KRT82: variants seen among roughly 807,000 people sequenced by gnomAD.
The protein encoded by KRT82 is keratin 82, also known as keratin, type II cuticular Hb2.
Under a neutral mutation model 48.0 loss-of-function variants are expected in KRT82, and 44 were observed. The ratio of observed to expected loss-of-function variants is 0.92; its 90% CI spans 0.72 to 1.18. The LOEUF (loss-of-function observed/expected upper bound fraction) is 1.18, where lower values mean the gene tolerates loss of function less well. KRT82 is among the 50% of genes most tolerant of loss of function. KRT82 has a pLI of 0.00. For synonymous variants in KRT82, 297 were observed against 278.3 expected (o/e 1.07, Z -0.67); for missense variants, 701 against 671.4 (o/e 1.04, Z -0.49).
At chr12:52,404,938 G>A (rs182792418) in intron 1 of KRT82, among the ~76,000 whole-genome samples, 66 of 152,312 alleles carry the variant, frequency 4.3e-4, no homozygotes, top group African/African-American at 1.4e-3. Flanking sequence ...TCCGGGTGTA[G>A]GAGTAGAGTC....
chr12:52,400,072 C>T lies in KRT82; in HGVS notation c.855G>A (p.Val285=), dbSNP rs755822650. The T allele has an allele frequency of 9.9e-6, 16 of 1,614,088 alleles. No individual in the cohort carries two copies. The East Asian group carries it at 3.3e-4, about 34-fold the overall frequency. The change falls in exon 5 of 9, where the codon GTG becomes GTA. Residue 285 remains valine (V), a synonymous_variant. Transcript: ENST00000257974. ...VKMDNSRELD[V]DGIIAEIKAQ... is the part of the protein sequence containing the mutation. Reference sequence around the variant, plus strand: ...CCTTGATCTCAGCGATGATGCCGTCCACGTCCAGCTCCCGGCTGTTGTCCA... The same window carrying T: ...CCTTGATCTCAGCGATGATGCCGTCTACGTCCAGCTCCCGGCTGTTGTCCA...
Position 52,397,006 on chromosome 12 carries a change from A to G in KRT82, c.945T>C (p.Tyr315=). 2.5e-6 allele frequency: 4 copies of G among 1,613,714 alleles called. No homozygotes were observed. Among genetic ancestry groups the G allele is most frequent in the Non-Finnish European group, 2.5e-6 (3 of 1,179,990 alleles). The stretch of plus-strand genomic sequence containing the variant: ...TCCCAGCTGTGACTCTCAGCTCCTC[A>G]TACTGCCAGGACAGAGAGGTCAGAG... The part of the protein sequence containing the change: ...AEAEAWYQCR[Y]EELRVTAGNH... The change falls in exon 6 of 9, where the codon TAT becomes TAC. Residue 315 remains tyrosine (Y), a splice_region_variant and synonymous_variant. Transcript: ENST00000257974.
Position 52,394,743 on chromosome 12 carries a change from C to A in KRT82, c.*232G>T, listed in dbSNP as rs1165071034. ...CATGCTCTTTCTCTGCCGTCTGTCC[C>A]CACCATCTGGGCCTAGCTGAGGGTC... On this transcript the variant is annotated 3_prime_UTR_variant, in exon 9 of 9. Coordinates refer to ENST00000257974, the MANE Select transcript of KRT82 (RefSeq NM_033033.4). 4 of 588,878 alleles carry A rather than the reference C, an allele frequency of 6.8e-6. No individual in the cohort carries two copies. Among genetic ancestry groups the A allele is most frequent in the Non-Finnish European group, 1.2e-5 (4 of 329,592 alleles). The allele number at this position is 588,878 out of a possible 1,614,324, so 36.5% of individuals were successfully genotyped here.
chr12:52,406,028 C>G lies in KRT82; in HGVS notation c.250G>C (p.Ala84Pro). 6.2e-7 allele frequency: 1 copy of G among 1,614,204 alleles called. No homozygotes were observed. Among genetic ancestry groups the G allele is most frequent in the Non-Finnish European group, 8.5e-7 (1 of 1,180,032 alleles). ...TLPGFGYRLG[A>P]TCGPSACITP... The stretch of plus-strand genomic sequence containing the variant: ...ATGCAGGCAGAAGGCCCACAGGTGG[C>G]TCCCAGTCGGTACCCGAAGCCAGGC... The change falls in exon 1 of 9, where the codon GCC (alanine) becomes CCC (proline). Residue 84 changes from alanine (A) to proline (P), a missense_variant. Physicochemically the swap from Ala to Pro is conservative, Grantham distance 27. Coordinates refer to ENST00000257974, the MANE Select transcript of KRT82 (RefSeq NM_033033.4).
At chr12:52,400,253 T>C in intron 4 of KRT82, 104 bp from the exon 5 acceptor site, 1 of 1,176,454 alleles carries the variant, frequency 8.5e-7, no homozygotes, top group Non-Finnish European at 1.2e-6. Context: ...TGCATAGAAC[T>C]CTGCTATGGC....
Position 52,401,358 on chromosome 12 carries a change from A to C in KRT82, c.621-9T>G. ...AGAGCTCCTCTTCGTATCTGATGGA[A>C]AAGGCAGGAAAAAATGCTTTAGTCG... On this transcript the variant is annotated splice_polypyrimidine_tract_variant and intron_variant, in intron 2 of 8. Coordinates refer to ENST00000257974, the MANE Select transcript of KRT82 (RefSeq NM_033033.4). 1 of 1,613,980 alleles carries C rather than the reference A, an allele frequency of 6.2e-7. No homozygotes were observed. The highest frequency in any genetic ancestry group is 8.5e-7 in the Non-Finnish European group (1 of 1,179,864).
rs1438826539 is a variant in KRT82 at position 52,400,019 on chromosome 12, C to T, written c.908G>A (p.Ser303Asn). The change falls in exon 5 of 9, where the codon AGC (serine) becomes AAC (asparagine). Residue 303 changes from serine to asparagine, a missense_variant. Coordinates refer to ENST00000257974, the MANE Select transcript of KRT82 (RefSeq NM_033033.4). ...KAQYDDIASR[S>N]KAEAEAWYQC... ...GTACCAGGCCTCTGCTTCGGCTTTG[C>T]TGCGGCTGGCGATGTCGTCATACTG... is the stretch of plus-strand genomic sequence containing the variant. The T allele has an allele frequency of 1.2e-6, 2 of 1,614,042 alleles. No homozygotes were observed. The highest frequency in any genetic ancestry group is 1.7e-6 in the Non-Finnish European group (2 of 1,180,000).
Position 52,395,039 on chromosome 12 carries a change from C to T in KRT82, c.1478G>A (p.Gly493Glu). The change falls in exon 9 of 9, where the codon GGG becomes GAG. Residue 493 changes from glycine (G) to glutamate (E), a missense_variant. Coordinates refer to ENST00000257974, the MANE Select transcript of KRT82 (RefSeq NM_033033.4). ...PCEPQGLLSC[G>E]SGRKSSMTLG... is the part of the protein sequence containing the mutation. Reference sequence around the variant, plus strand: ...CGTCATGCTGGATTTCCGCCCGCTCCCACAGCTCAGTAGCCCCTGGGGCTC... The same window carrying T: ...CGTCATGCTGGATTTCCGCCCGCTCTCACAGCTCAGTAGCCCCTGGGGCTC... 6.2e-7 allele frequency: 1 copy of T among 1,614,036 alleles called. No individual in the cohort carries two copies. The highest frequency in any genetic ancestry group is 1.7e-4 in the Middle Eastern group (1 of 6,060).
chr12:52,404,530 A>G (rs1242241481), intron 1 of KRT82, among the ~76,000 whole-genome samples: 2 of 152,150 alleles, frequency 1.3e-5, no homozygotes, highest in Admixed American at 6.5e-5. Context: ...TGAGATTAGG[A>G]GTTGAGTAAG....
At position 52,401,283 on chromosome 12, in the gene KRT82, C is replaced by T. The variant is rs753584847; in HGVS notation, c.681+6G>A. 19 of 1,613,700 alleles carry T rather than the reference C, an allele frequency of 1.2e-5. No homozygotes were observed. Among genetic ancestry groups the T allele is most frequent in the Admixed American group, 1.7e-5 (1 of 59,990 alleles). On this transcript the variant is annotated splice_donor_region_variant and intron_variant, in intron 3 of 8. Coordinates refer to ENST00000257974, the MANE Select transcript of KRT82 (RefSeq NM_033033.4). ...GGGGCTCTGCCTCTCTGAGCTTCCT[C>T]CTTACCTTCTTCAAGGCAACAAACT... is the stretch of plus-strand genomic sequence containing the variant.
intron 5 of KRT82, among the ~76,000 whole-genome samples, 175 bp downstream of exon 5, chr12:52,399,809 GC>G (rs1363330532): frequency 6.6e-6 from 1 of 152,218 alleles, no homozygotes; most frequent in African/African-American, 2.4e-5. Context: ...CAGGGAAGTG[GC>G]CTGGGGCCTG....
intron 2 of KRT82, among the ~76,000 whole-genome samples, chr12:52,402,877 C>T (rs572673258): frequency 1.3e-5 from 2 of 152,192 alleles, no homozygotes; most frequent in African/African-American, 2.4e-5. Context: ...TAGAAAGACA[C>T]CTGTTTCAAC....
intron 1 of KRT82, among the ~76,000 whole-genome samples, chr12:52,405,259 C>T (rs1939837329): frequency 2.0e-5 from 3 of 152,202 alleles, no homozygotes; most frequent in African/African-American, 7.2e-5. Flanking sequence ...GGAATCTGCA[C>T]TGTTCCTGCA....
chr12:52,400,023 G>A lies in KRT82; in HGVS notation c.904C>T (p.Arg302Cys), dbSNP rs757665961. ...IKAQYDDIAS[R>C]SKAEAEAWYQ... ...CAGGCCTCTGCTTCGGCTTTGCTGC[G>A]GCTGGCGATGTCGTCATACTGCGCC... is the stretch of plus-strand genomic sequence containing the variant. The change falls in exon 5 of 9, where the codon CGC becomes TGC. Residue 302 changes from arginine to cysteine, a missense_variant. Physicochemically the swap from Arg to Cys is radical, Grantham distance 180. Transcript: ENST00000257974. 26 of 1,614,064 alleles carry A rather than the reference G, an allele frequency of 1.6e-5. No individual in the cohort carries two copies. The highest frequency in any genetic ancestry group is 3.3e-5 in the Admixed American group (2 of 60,014).
intron 5 of KRT82, among the ~76,000 whole-genome samples, chr12:52,397,265 C>G (rs1202091734): frequency 6.6e-6 from 1 of 152,202 alleles, no homozygotes; most frequent in Non-Finnish European, 1.5e-5. Flanking sequence ...AGATCCCCTC[C>G]TCTGTTGAGC....
At position 52,395,867 on chromosome 12, in the gene KRT82, C is replaced by T. The variant is rs1939705537; in HGVS notation, c.1290-77G>A. ...TAAATGCAGCATCTCCCCGCTCCCG[C>T]CCTCATTGTGGACCATGTGCTGCTG... On this transcript the variant is annotated intron_variant, in intron 7 of 8. Coordinates refer to ENST00000257974, the MANE Select transcript of KRT82 (RefSeq NM_033033.4). 2.0e-6 allele frequency: 3 copies of T among 1,470,862 alleles called. No homozygotes were observed. In the Admixed American group the frequency reaches 5.9e-5, roughly 29 times the overall value. 91.1% of individuals were successfully genotyped at this position (1,470,862 alleles called of 1,614,324 possible). A position where few individuals can be genotyped will look rare whatever the true frequency, so the allele number is the denominator to read the frequency against.
chr12:52,396,361 C>T (rs926717587), intron 6 of KRT82, 129 bp from the exon 7 acceptor site: 11 of 817,462 alleles, frequency 1.3e-5, no homozygotes, highest in African/African-American at 3.4e-5. Context: ...CCTAGGATTG[C>T]GACATCTGGT....
In KRT82 at chr12:52,406,178, T is replaced by C; in HGVS notation, c.100A>G (p.Ser34Gly). 1 of 1,613,568 alleles carries C rather than the reference T, an allele frequency of 6.2e-7. No individual in the cohort carries two copies. Among genetic ancestry groups the C allele is most frequent in the South Asian group, 1.1e-5 (1 of 91,054 alleles). The change falls in exon 1 of 9, where the codon AGC becomes GGC. Residue 34 changes from serine to glycine, a missense_variant. By Grantham distance (56) the Ser-to-Gly change is moderately conservative (BLOSUM62 0). Transcript: ENST00000257974. ...CCCCCGGGCCGGCATGGCCCCTTGC[T>C]CACTGCATAGTGGGTGACCATCCGG... is the stretch of plus-strand genomic sequence containing the variant. ...MPRMVTHYAV[S>G]KGPCRPGGGR...
chr12:52,406,041 C>A lies in KRT82; in HGVS notation c.237G>T (p.Gly79=). The change falls in exon 1 of 9, where the codon GGG becomes GGT. Residue 79 remains glycine, a synonymous_variant. Coordinates refer to ENST00000257974, the MANE Select transcript of KRT82 (RefSeq NM_033033.4). ...GCCCACAGGTGGCTCCCAGTCGGTA[C>A]CCGAAGCCAGGCAGGGTACCTCCAC... ...SRCGGTLPGF[G]YRLGATCGPS... 6.2e-7 allele frequency: 1 copy of A among 1,614,148 alleles called. No homozygotes were observed. Among genetic ancestry groups the A allele is most frequent in the Non-Finnish European group, 8.5e-7 (1 of 1,180,034 alleles).
Sources: gnomAD v4.1 joint callset for allele counts (sites outside exome capture counted in the v4.1 genomes callset) on GRCh38, gnomAD v4.1.1 for gene constraint, MANE v1.5 for transcripts, NCBI Gene and HGNC (gene_info 2026-07-23, HGNC 2026-07-21) for gene names.